CAST: variants seen among roughly 807,000 people sequenced by gnomAD.
CAST encodes the protein MIR583 host.
A neutral mutation model predicts 119.6 loss-of-function variants in CAST; 76 were observed. The observed-to-expected ratio is 0.64, with a 90% confidence interval of 0.53 to 0.77. The LOEUF (loss-of-function observed/expected upper bound fraction) is 0.77, where lower values mean the gene tolerates loss of function less well. Among genes scored for constraint, CAST ranks in the 30% least tolerant of loss-of-function variants. CAST has a pLI of 0.00. For missense variants in CAST, 953 were observed against 946.5 expected (o/e 1.01, Z -0.09); for synonymous variants, 319 against 331.6 (o/e 0.96, Z 0.41).
chr5:96,757,077 C>A (rs936267496), intron 22 of CAST, among the ~76,000 whole-genome samples: 3 of 152,162 alleles, frequency 2.0e-5, no homozygotes, highest in African/African-American at 7.2e-5. Flanking sequence ...CAAAGCCCAC[C>A]CCCATGTAGG....
the CAST span, among the ~76,000 whole-genome samples, chr5:96,494,769 T>TA: frequency 1.3e-5 from 2 of 152,168 alleles, no homozygotes; most frequent in African/African-American, 4.8e-5. Flanking sequence ...ATACAATCAT[T>TA]AAATGATTTT....
chr5:96,603,830 T>C (rs990044947), intron 1 of CAST, among the ~76,000 whole-genome samples: 1 of 141,262 alleles, frequency 7.1e-6, no homozygotes, highest in African/African-American at 2.6e-5. Flanking sequence ...AGTGGCATGA[T>C]CATGGCTCAC....
At chr5:96,294,391 C>A in the CAST span, among the ~76,000 whole-genome samples, 1 of 152,158 alleles carries the variant, frequency 6.6e-6, no homozygotes. Context: ...AAGTCTTTTC[C>A]TGGAATCCTA....
the CAST span, among the ~76,000 whole-genome samples, chr5:96,262,969 C>G: frequency 2.6e-5 from 4 of 152,188 alleles, no homozygotes; most frequent in African/African-American, 9.7e-5. Context: ...AGCCCCTTCT[C>G]CTTTCTCCTA....
chr5:95,997,651 A>G, the CAST span, among the ~76,000 whole-genome samples: 1 of 152,150 alleles, frequency 6.6e-6, no homozygotes, highest in African/African-American at 2.4e-5. Flanking sequence ...GAGGCTTTGT[A>G]CTGCTCATTT....
intron 1 of CAST, among the ~76,000 whole-genome samples, chr5:96,581,306 C>T (rs1021604117): frequency 6.6e-6 from 1 of 152,046 alleles, no homozygotes; most frequent in Non-Finnish European, 1.5e-5. Flanking sequence ...GATGTTTGAC[C>T]TCAGTAGTGA....
chr5:96,263,818 A>T, the CAST span, among the ~76,000 whole-genome samples: 2 of 152,150 alleles, frequency 1.3e-5, no homozygotes, highest in Non-Finnish European at 2.9e-5. Context: ...GCCAAAGGAG[A>T]AGCAAGGCAC....
chr5:96,689,754 C>T (rs935241603), intron 2 of CAST, among the ~76,000 whole-genome samples: 3 of 152,184 alleles, frequency 2.0e-5, no homozygotes, highest in Non-Finnish European at 4.4e-5. Flanking sequence ...CGATACTCAT[C>T]ATAAAATTAC....
the CAST span, among the ~76,000 whole-genome samples, chr5:96,097,475 G>C: frequency 3.3e-5 from 5 of 151,862 alleles, no homozygotes; most frequent in East Asian, 9.7e-4. Context: ...TATTTTTCCT[G>C]ATTCTTTCCC....
chr5:96,469,237 G>A, the CAST span, among the ~76,000 whole-genome samples: 3 of 152,008 alleles, frequency 2.0e-5, no homozygotes, highest in Non-Finnish European at 2.9e-5. Flanking sequence ...GTGATTAAAC[G>A]CACTCCCACA....
At chr5:96,078,705 TC>T in the CAST span, among the ~76,000 whole-genome samples, 3 of 152,216 alleles carry the variant, frequency 2.0e-5, no homozygotes, top group African/African-American at 7.2e-5. Context: ...TCAAGTTAAA[TC>T]AATCACTAAG....
intron 2 of CAST, among the ~76,000 whole-genome samples, chr5:96,677,677 C>A (rs1750871473): frequency 6.6e-6 from 1 of 152,188 alleles, no homozygotes; most frequent in South Asian, 2.1e-4. Flanking sequence ...CCTGGACATA[C>A]CAGTCTTTCA....
the CAST span, among the ~76,000 whole-genome samples, chr5:96,087,479 T>G: frequency 6.6e-6 from 1 of 152,174 alleles, no homozygotes; most frequent in African/African-American, 2.4e-5. Flanking sequence ...ATACCAGAAG[T>G]GCATAATAGA....
chr5:96,460,072 C>G, the CAST span, among the ~76,000 whole-genome samples: 5 of 152,138 alleles, frequency 3.3e-5, no homozygotes, highest in Non-Finnish European at 5.9e-5. Flanking sequence ...CACAGGTCAA[C>G]AGCTAGACAA....
chr5:96,166,653 T>C, the CAST span, among the ~76,000 whole-genome samples: 53 of 152,286 alleles, frequency 3.5e-4, no homozygotes, highest in Non-Finnish European at 7.2e-4. Flanking sequence ...AAATGTCTAA[T>C]GAATATACAA....
chr5:96,562,862 A>G (rs529158373), intron 1 of CAST, among the ~76,000 whole-genome samples: 1 of 152,340 alleles, frequency 6.6e-6, no homozygotes, highest in African/African-American at 2.4e-5. Flanking sequence ...AGGATTCATG[A>G]TATACTACCC....
the CAST span, among the ~76,000 whole-genome samples, chr5:96,034,983 A>C: frequency 6.7e-6 from 1 of 148,794 alleles, no homozygotes; most frequent in African/African-American, 2.5e-5. Context: ...CATTGTGTTT[A>C]TATGCTACAT....
chr5:96,263,415 G>A, the CAST span, among the ~76,000 whole-genome samples: 7 of 152,128 alleles, frequency 4.6e-5, no homozygotes, highest in Non-Finnish European at 8.8e-5. Flanking sequence ...TGAGAGTGAC[G>A]AGCCATTATG....
intron 10 of CAST, 91 bp from the exon 11 acceptor site, chr5:96,737,758 T>C: frequency 1.5e-6 from 1 of 673,450 alleles, no homozygotes. Context: ...GTTTGGTGGT[T>C]TTTCTACACA....
Sources: gnomAD v4.1 joint callset for allele counts (sites outside exome capture counted in the v4.1 genomes callset) on GRCh38, gnomAD v4.1.1 for gene constraint, MANE v1.5 for transcripts, NCBI Gene and HGNC (gene_info 2026-07-23, HGNC 2026-07-21) for gene names.